The following PPP2R3A variants were observed in gnomAD, a reference collection of about 807,000 sequenced individuals.
PPP2R3A encodes the protein protein phosphatase 2 regulatory subunit B''alpha.
Under a neutral mutation model 106.9 loss-of-function variants are expected in PPP2R3A, and 80 were observed. The ratio of observed to expected loss-of-function variants is 0.75; its 90% CI spans 0.62 to 0.90. The LOEUF (loss-of-function observed/expected upper bound fraction) is 0.90. PPP2R3A is among the 40% of genes least tolerant of loss of function. The pLI is 0.00. For synonymous variants in PPP2R3A, 483 were observed against 468.3 expected (o/e 1.03, Z -0.41); for missense variants, 1,386 against 1,350.4 (o/e 1.03, Z -0.41).
At chr3:135,989,037 T>C (rs2107770686) in intron 1 of PPP2R3A, among the ~76,000 whole-genome samples, 1 of 151,372 alleles carries the variant, frequency 6.6e-6, no homozygotes, top group East Asian at 1.9e-4. Context: ...GTGAATGCTA[T>C]TTTTTTTTAA....
chr3:135,991,118 TGTGTC>T (rs1933142191), intron 1 of PPP2R3A, among the ~76,000 whole-genome samples: 1 of 152,132 alleles, frequency 6.6e-6, no homozygotes, highest in African/African-American at 2.4e-5. Flanking sequence ...CCCTCTCTGG[TGTGTC>T]GTCTTTTGCG....
intron 4 of PPP2R3A, among the ~76,000 whole-genome samples, chr3:136,041,499 T>C (rs1935288049): frequency 6.6e-6 from 1 of 152,084 alleles, no homozygotes; most frequent in Non-Finnish European, 1.5e-5. Flanking sequence ...TCCTCCCAGC[T>C]CGGCTGCCCA....
chr3:135,980,464 G>T (rs1227817120), intron 1 of PPP2R3A, among the ~76,000 whole-genome samples: 1 of 151,406 alleles, frequency 6.6e-6, no homozygotes, highest in Non-Finnish European at 1.5e-5. Flanking sequence ...AAAAAAGTTG[G>T]TAAGTGTATA....
At chr3:136,132,724 G>A (rs898098559) in intron 13 of PPP2R3A, among the ~76,000 whole-genome samples, 7 of 151,672 alleles carry the variant, frequency 4.6e-5, no homozygotes, top group African/African-American at 1.5e-4. Flanking sequence ...TCAAAATCCC[G>A]GCAGACTTTT....
At position 136,010,247 on chromosome 3, in the gene PPP2R3A, TTTC is replaced by T. The variant is rs1199615680; in HGVS notation, c.1995+6757_1995+6759del. 5.4e-5 allele frequency among the ~76,000 whole-genome samples: 8 copies of T among 146,898 alleles called. No homozygotes were observed. In the Admixed American group the frequency reaches 5.4e-4, roughly 10 times the overall value. ...ACCATCCAAGCTCCTGTCTTTTTCT[TTTC>T]TTTCTTTCTTTTTTTTTTTTTTTTT... On this transcript the variant is annotated intron_variant, in intron 2 of 13. Transcript: ENST00000264977.
intron 2 of PPP2R3A, among the ~76,000 whole-genome samples, chr3:136,009,931 C>A (rs1288969664): frequency 6.6e-6 from 1 of 152,164 alleles, no homozygotes; most frequent in Non-Finnish European, 1.5e-5. Context: ...ATCACACAAC[C>A]ATGCTGAGTG....
At position 136,002,371 on chromosome 3, in the gene PPP2R3A, G is replaced by T; in HGVS notation, c.873G>T (p.Lys291Asn). The T allele has an allele frequency of 6.2e-7, 1 of 1,613,882 alleles. No individual in the cohort carries two copies. The highest frequency in any genetic ancestry group is 8.5e-7 in the Non-Finnish European group (1 of 1,179,950). ...CCAGGTTAGCATCCTATCTGAAAAA[G>T]TTACCATTTGAATTCATGCAGTCTG... ...VMTRLASYLK[K>N]LPFEFMQSGN... The change falls in exon 2 of 14, where the codon AAG (lysine) becomes AAT (asparagine). Residue 291 changes from lysine to asparagine, a missense_variant. Coordinates refer to ENST00000264977, the MANE Select transcript of PPP2R3A (RefSeq NM_002718.5).
At chr3:136,132,798 C>G (rs1277783643) in intron 13 of PPP2R3A, among the ~76,000 whole-genome samples, 1 of 151,652 alleles carries the variant, frequency 6.6e-6, no homozygotes, top group Non-Finnish European at 1.5e-5. Flanking sequence ...CTAGAATAGC[C>G]AAAACACTTT....
chr3:136,102,701 G>C (rs1454606527), intron 11 of PPP2R3A, among the ~76,000 whole-genome samples: 1 of 152,108 alleles, frequency 6.6e-6, no homozygotes, highest in Non-Finnish European at 1.5e-5. Context: ...TTTTACACCA[G>C]GCACAGTGGT....
intron 5 of PPP2R3A, among the ~76,000 whole-genome samples, chr3:136,065,249 G>C (rs1307818223): frequency 6.6e-6 from 1 of 152,040 alleles, no homozygotes; most frequent in Non-Finnish European, 1.5e-5. Context: ...TTCTAAAGTT[G>C]ATAAAGTACT....
At chr3:135,987,250 G>A (rs1932961435) in intron 1 of PPP2R3A, among the ~76,000 whole-genome samples, 1 of 152,138 alleles carries the variant, frequency 6.6e-6, no homozygotes, top group Admixed American at 6.6e-5. Flanking sequence ...CTGGATCAGA[G>A]ACAGAAGACA....
At chr3:135,984,397 A>T (rs565226764) in intron 1 of PPP2R3A, among the ~76,000 whole-genome samples, 1 of 152,178 alleles carries the variant, frequency 6.6e-6, no homozygotes, top group Admixed American at 6.5e-5. Context: ...TAACACTTCA[A>T]TGTTGACATA....
chr3:136,030,761 C>CATATATATAT (rs374923726), intron 3 of PPP2R3A, among the ~76,000 whole-genome samples: 1,093 of 99,862 alleles, frequency 0.011, 7 homozygotes, highest in Middle Eastern at 0.023. Flanking sequence ...TATTCCATCA[C>CATATATATAT]ATATATATAT....
chr3:136,054,321 C>T (rs1229696848), intron 5 of PPP2R3A, among the ~76,000 whole-genome samples: 3 of 143,818 alleles, frequency 2.1e-5, no homozygotes, highest in South Asian at 2.2e-4. Context: ...TGCAGTGGCA[C>T]GATCTTGGCT....
chr3:136,013,157 G>GGTGT (rs773969022), intron 2 of PPP2R3A, among the ~76,000 whole-genome samples: 3,878 of 139,502 alleles, frequency 0.028, 83 homozygotes, highest in African/African-American at 0.049. Flanking sequence ...AGTATTCCAT[G>GGTGT]GTGTGTGTGT....
intron 5 of PPP2R3A, chr3:136,055,434 T>C (rs1216255836): frequency 1.9e-6 from 2 of 1,078,858 alleles, no homozygotes; most frequent in East Asian, 2.4e-5. Flanking sequence ...ATAATGCAAA[T>C]GCTTAAGGCA....
chr3:135,988,250 AT>A (rs1933008253), intron 1 of PPP2R3A, among the ~76,000 whole-genome samples: 1 of 147,042 alleles, frequency 6.8e-6, no homozygotes, highest in South Asian at 2.1e-4. Flanking sequence ...TTGTTCAAGG[AT>A]TAAAAAAAAA....
intron 2 of PPP2R3A, among the ~76,000 whole-genome samples, chr3:136,005,382 C>G (rs1201967527): frequency 6.6e-6 from 1 of 152,132 alleles, no homozygotes; most frequent in African/African-American, 2.4e-5. Context: ...TTTGTGGCTG[C>G]TATTCTTCTG....
chr3:136,094,826 C>T (rs1457095517), intron 10 of PPP2R3A, among the ~76,000 whole-genome samples: 1 of 152,152 alleles, frequency 6.6e-6, no homozygotes, highest in Admixed American at 6.5e-5. Context: ...GAATTCTGCA[C>T]CACATTTTCC....
Sources: gnomAD v4.1 joint callset for allele counts (sites outside exome capture counted in the v4.1 genomes callset) on GRCh38, gnomAD v4.1.1 for gene constraint, MANE v1.5 for transcripts, NCBI Gene and HGNC (gene_info 2026-07-23, HGNC 2026-07-21) for gene names.